The following ANKRD11 variants were observed in gnomAD, a reference collection of about 807,000 sequenced individuals.
The protein encoded by ANKRD11 is ankyrin repeat domain-containing protein 11.
Under a neutral mutation model 195.7 loss-of-function variants are expected in ANKRD11, and 17 were observed. The ratio of observed to expected loss-of-function variants is 0.09; its 90% CI spans 0.06 to 0.13. The LOEUF is 0.13. ANKRD11 is among the 10% of genes least tolerant of loss of function. The probability of loss-of-function intolerance (pLI) is 1.00; values close to 1 mark genes in which losing one functional copy is unlikely to be tolerated. For synonymous variants in ANKRD11, 1,953 were observed against 1,528.1 expected (o/e 1.28, Z -6.49); for missense variants, 3,735 against 3,566.1 (o/e 1.05, Z -1.21).
At chr16:89,338,492 G>A (rs1237020170) in intron 2 of ANKRD11, among the ~76,000 whole-genome samples, 1 of 151,296 alleles carries the variant, frequency 6.6e-6, no homozygotes, top group East Asian at 1.9e-4. Flanking sequence ...CACTTTGGGA[G>A]GCCGAGGCGG....
intron 2 of ANKRD11, chr16:89,323,209 C>A: frequency 3.4e-6 from 3 of 884,050 alleles, no homozygotes; most frequent in Non-Finnish European, 4.8e-6. Flanking sequence ...AAGTCTCCAA[C>A]GGACTGAGCG....
At chr16:89,405,948 A>G (rs2041888806) in intron 2 of ANKRD11, among the ~76,000 whole-genome samples, 1 of 152,086 alleles carries the variant, frequency 6.6e-6, no homozygotes, top group Admixed American at 6.5e-5. Context: ...CGTCTCTACT[A>G]AAAAGACAAA....
intron 2 of ANKRD11, among the ~76,000 whole-genome samples, chr16:89,344,702 G>C (rs538277091): frequency 1.3e-5 from 2 of 152,096 alleles, no homozygotes; most frequent in African/African-American, 4.8e-5. Flanking sequence ...CTTCAGACTG[G>C]GAAGAACAAA....
intron 1 of ANKRD11, among the ~76,000 whole-genome samples, chr16:89,474,777 A>ATGC (rs1161306843): frequency 6.6e-6 from 1 of 152,270 alleles, no homozygotes; most frequent in Non-Finnish European, 1.5e-5. Flanking sequence ...AATTAACAAA[A>ATGC]TGCTGCCTTC....
At chr16:89,297,968 G>A (rs757364339) in intron 4 of ANKRD11, 6 of 151,934 alleles carry the variant, frequency 3.9e-5, no homozygotes, top group Non-Finnish European at 8.8e-5. Context: ...CAGAGGTAAG[G>A]CTGTGCGTCC....
chr16:89,284,629 T>G lies in ANKRD11; in HGVS notation c.1913A>C (p.His638Pro). 4 of 1,614,086 alleles carry G rather than the reference T, an allele frequency of 2.5e-6. No individual in the cohort carries two copies. Among genetic ancestry groups the G allele is most frequent in the East Asian group, 2.2e-5 (1 of 44,874 alleles). The change falls in exon 9 of 13, where the codon CAC becomes CCC. Residue 638 changes from histidine to proline, a missense_variant. His to Pro is a moderately conservative substitution (Grantham distance 77). Transcript: ENST00000301030. ...VVKKHKTKHKHKNKEKGQCSI... is the reference protein window; with the variant it reads ...VVKKHKTKHKPKNKEKGQCSI... The stretch of plus-strand genomic sequence containing the variant: ...ACACTGTCCCTTCTCCTTGTTTTTG[T>G]GTTTGTGTTTTGTTTTATGTTTTTT...
In ANKRD11 at chr16:89,352,178, T is replaced by C. The variant is rs118123493; in HGVS notation, c.-59-35100A>G. ...ATGCTGGGATCACAGGCGTGAGCCA[T>C]TGCACCTGGCCGATTATCTTCTTTG... On this transcript the variant is annotated intron_variant, in intron 2 of 12. Coordinates refer to ENST00000301030, the MANE Select transcript of ANKRD11 (RefSeq NM_013275.6). 7.9e-4 allele frequency among the ~76,000 whole-genome samples: 120 copies of C among 152,146 alleles called. No individual in the cohort carries two copies. In the East Asian group the frequency reaches 9.3e-3, roughly 12 times the overall value.
chr16:89,355,857 G>A (rs1378783817), intron 2 of ANKRD11, among the ~76,000 whole-genome samples: 1 of 152,184 alleles, frequency 6.6e-6, no homozygotes, highest in African/African-American at 2.4e-5. Context: ...TGGAAAGGCA[G>A]AGTGACCGAT....
At chr16:89,475,629 A>G (rs1382290013) in intron 1 of ANKRD11, among the ~76,000 whole-genome samples, 3 of 152,246 alleles carry the variant, frequency 2.0e-5, no homozygotes, top group Non-Finnish European at 2.9e-5. Context: ...TCACACTGGA[A>G]GTCTGAAAAC....
chr16:89,469,019 C>T (rs576116277), intron 1 of ANKRD11, among the ~76,000 whole-genome samples: 2 of 152,256 alleles, frequency 1.3e-5, no homozygotes, highest in African/African-American at 2.4e-5. Context: ...CTTCCTCAAC[C>T]TCATAAAGTG....
In ANKRD11 at chr16:89,356,202, G is replaced by T. The variant is rs539057225; in HGVS notation, c.-59-39124C>A. Among the ~76,000 whole-genome samples, 3 of 152,202 alleles carry T rather than the reference G, an allele frequency of 2.0e-5. No individual in the cohort carries two copies. The South Asian group carries it at 6.2e-4, about 32-fold the overall frequency. On this transcript the variant is annotated intron_variant, in intron 2 of 12. Coordinates refer to ENST00000301030, the MANE Select transcript of ANKRD11 (RefSeq NM_013275.6). The stretch of plus-strand genomic sequence containing the variant: ...ATCATCTTTGTTTATAACATTTATA[G>T]GTTACAAACAATGAACTATTGTGGG...
chr16:89,347,059 G>A (rs2038974881), intron 2 of ANKRD11, among the ~76,000 whole-genome samples: 1 of 152,196 alleles, frequency 6.6e-6, no homozygotes. Context: ...CTGGGCGAAA[G>A]GCCAGCTAAA....
chr16:89,432,978 CTCTCT>C (rs2043056626), intron 1 of ANKRD11, among the ~76,000 whole-genome samples: 1 of 144,602 alleles, frequency 6.9e-6, no homozygotes, highest in African/African-American at 2.7e-5. Flanking sequence ...CTCTCTCTCT[CTCTCT>C]CTCTCTCCTC....
chr16:89,290,281 C>T (rs1488385559), intron 6 of ANKRD11, among the ~76,000 whole-genome samples: 1 of 100,156 alleles, frequency 1.0e-5, no homozygotes, highest in Non-Finnish European at 2.2e-5. Flanking sequence ...GGGGTAGGCT[C>T]AGGGCTCCAG....
Position 89,281,390 on chromosome 16 carries a change from C to A in ANKRD11, c.5152G>T (p.Val1718Leu), listed in dbSNP as rs751869374. 1.9e-6 allele frequency: 3 copies of A among 1,609,164 alleles called. No individual in the cohort carries two copies. The highest frequency in any genetic ancestry group is 2.6e-6 in the Non-Finnish European group (3 of 1,176,326). The change falls in exon 9 of 13, where the codon GTG (valine) becomes TTG (leucine). Residue 1718 changes from valine to leucine, a missense_variant. Physicochemically the swap from Val to Leu is conservative, Grantham distance 32. Transcript: ENST00000301030. The surrounding 1 kb of genome is among the most constrained non-coding windows in gnomAD (Gnocchi z 5.5). Reference protein sequence around the residue: ...SVLSCPSYEEVMHTPRTPSCS... With the variant: ...SVLSCPSYEELMHTPRTPSCS... ...GACGGGGTCCTGGGCGTGTGCATCA[C>A]CTCCTCGTAGCTGGGGCAGGATAGC...
intron 12 of ANKRD11, chr16:89,270,062 C>A (rs2151670615): frequency 6.5e-6 from 1 of 154,374 alleles, no homozygotes; most frequent in East Asian, 1.9e-4. Context: ...TTAGGGCTGG[C>A]CAGAAATGCA....
chr16:89,366,106 G>A (rs2039936821), intron 2 of ANKRD11, among the ~76,000 whole-genome samples: 1 of 145,876 alleles, frequency 6.9e-6, no homozygotes, highest in Non-Finnish European at 1.5e-5. Flanking sequence ...CTCTAGCCTG[G>A]GTGACAAAGT....
chr16:89,279,510 G>C lies in ANKRD11; in HGVS notation c.7032C>G (p.Leu2344=), dbSNP rs533765590. 28 of 1,364,692 alleles carry C rather than the reference G, an allele frequency of 2.1e-5. No homozygotes were observed. The African/African-American group carries it at 3.0e-4, about 15-fold the overall frequency. The allele number at this position is 1,364,692 out of a possible 1,614,324, so 84.5% of individuals were successfully genotyped here. A position where few individuals can be genotyped will look rare whatever the true frequency, so the allele number is the denominator to read the frequency against. The change falls in exon 9 of 13, where the codon CTC becomes CTG. Residue 2344 remains leucine, a synonymous_variant. Transcript: ENST00000301030. The surrounding 1 kb of genome is among the most constrained non-coding windows in gnomAD (Gnocchi z 5.6). The part of the protein sequence containing the change: ...QRMTRNRAQM[L]ANQSKQGPPP... ...GCGGGCCCTGCTTGCTCTGGTTCGC[G>C]AGCATCTGCGCCCGGTTCCTGGTCA...
At chr16:89,364,111 G>C (rs1235898595) in intron 2 of ANKRD11, among the ~76,000 whole-genome samples, 1 of 151,800 alleles carries the variant, frequency 6.6e-6, no homozygotes, top group Non-Finnish European at 1.5e-5. Context: ...AGAAAAGGAA[G>C]AAAAAAAAGA....
Sources: gnomAD v4.1 joint callset for allele counts (sites outside exome capture counted in the v4.1 genomes callset) on GRCh38, gnomAD v4.1.1 for gene constraint, Gnocchi (gnomAD v3.1) non-coding constraint, MANE v1.5 for transcripts, NCBI Gene and HGNC (gene_info 2026-07-23, HGNC 2026-07-21) for gene names.